Variants in ITFG1 observed in about 807,000 individuals in gnomAD.
ITFG1 encodes integrin alpha FG-GAP repeat containing 1, also known as T-cell immunomodulatory protein.
Under a neutral mutation model 81.8 loss-of-function variants are expected in ITFG1, and 34 were observed. That is an observed-to-expected ratio of 0.42 (90% confidence interval 0.32 to 0.55). ITFG1 has a LOEUF of 0.55. ITFG1 is among the 20% of genes least tolerant of loss of function. The probability of loss-of-function intolerance (pLI) is 0.17; values close to 1 mark genes in which losing one functional copy is unlikely to be tolerated. For synonymous variants in ITFG1, 285 were observed against 270.6 expected (o/e 1.05, Z -0.52); for missense variants, 672 against 755.4 (o/e 0.89, Z 1.29).
At chr16:47,174,077 A>G (rs1964993121) in intron 14 of ITFG1, among the ~76,000 whole-genome samples, 1 of 152,094 alleles carries the variant, frequency 6.6e-6, no homozygotes, top group African/African-American at 2.4e-5. Context: ...ACAAACAAAA[A>G]AAGTTTTCAA....
intron 8 of ITFG1, among the ~76,000 whole-genome samples, chr16:47,358,144 C>T (rs1041253525): frequency 2.6e-5 from 4 of 152,202 alleles, no homozygotes; most frequent in African/African-American, 9.7e-5. Flanking sequence ...GAACACCTCA[C>T]CACTTTGGGT....
At chr16:47,377,281 A>G (rs1968338937) in intron 6 of ITFG1, among the ~76,000 whole-genome samples, 1 of 152,208 alleles carries the variant, frequency 6.6e-6, no homozygotes, top group African/African-American at 2.4e-5. Context: ...TTATTTCCAC[A>G]ACAAGGAAAA....
At position 47,333,271 on chromosome 16, in the gene ITFG1, T is replaced by C. The variant is rs1967659366; in HGVS notation, c.803-19448A>G. On this transcript the variant is annotated intron_variant, in intron 8 of 17. Coordinates refer to ENST00000320640, the MANE Select transcript of ITFG1 (RefSeq NM_030790.5). ...AGATGAGGACATTGATGCTTGGTAA[T>C]ATTAATCACCCAAGGAAAAAGCCAA... 3.3e-5 allele frequency among the ~76,000 whole-genome samples: 5 copies of C among 152,184 alleles called. No homozygotes were observed. The South Asian group carries it at 6.2e-4, about 19-fold the overall frequency.
intron 6 of ITFG1, among the ~76,000 whole-genome samples, chr16:47,423,397 C>G (rs1968977255): frequency 6.6e-6 from 1 of 152,016 alleles, no homozygotes; most frequent in Non-Finnish European, 1.5e-5. Flanking sequence ...ATTTGCCAGT[C>G]TGTGTCTTTA....
chr16:47,440,521 G>C (rs1479490862), intron 5 of ITFG1, among the ~76,000 whole-genome samples: 1 of 152,098 alleles, frequency 6.6e-6, no homozygotes, highest in African/African-American at 2.4e-5. Flanking sequence ...TAGAACTCAG[G>C]ATTAAGAAAC....
chr16:47,163,350 T>C (rs781137066), intron 14 of ITFG1, among the ~76,000 whole-genome samples: 20 of 152,212 alleles, frequency 1.3e-4, no homozygotes, highest in African/African-American at 3.9e-4. Context: ...TCTGACTCAA[T>C]AGATTTGCCT....
At chr16:47,408,928 T>G (rs955941451) in intron 6 of ITFG1, among the ~76,000 whole-genome samples, 37 of 152,152 alleles carry the variant, frequency 2.4e-4, no homozygotes, top group African/African-American at 8.9e-4. Flanking sequence ...TAAAAGACAT[T>G]TTTAAAACAT....
At chr16:47,305,308 TAGTG>T (rs1160873414) in intron 10 of ITFG1, among the ~76,000 whole-genome samples, 2 of 152,152 alleles carry the variant, frequency 1.3e-5, no homozygotes, top group African/African-American at 4.8e-5. Flanking sequence ...TAGTACTTTG[TAGTG>T]AGTAAATTTC....
At chr16:47,452,666 C>T in intron 4 of ITFG1, 67 bp downstream of exon 4, 1 of 1,028,500 alleles carries the variant, frequency 9.7e-7, no homozygotes, top group Non-Finnish European at 1.5e-6. Context: ...AAAGTAGTTT[C>T]CTATGTGAAG....
At chr16:47,258,453 A>G (rs1254998135) in intron 12 of ITFG1, among the ~76,000 whole-genome samples, 179 bp downstream of exon 12, 1 of 152,212 alleles carries the variant, frequency 6.6e-6, no homozygotes, top group Non-Finnish European at 1.5e-5. Context: ...GAAAGAAAAA[A>G]CAATATTGTT....
chr16:47,175,396 A>T (rs1009620506), intron 14 of ITFG1, among the ~76,000 whole-genome samples: 1 of 151,612 alleles, frequency 6.6e-6, no homozygotes, highest in Non-Finnish European at 1.5e-5. Flanking sequence ...TAATTAAATA[A>T]ACAAGAAAAG....
chr16:47,156,966 A>AG (rs1163578630), intron 17 of ITFG1, among the ~76,000 whole-genome samples: 10 of 152,134 alleles, frequency 6.6e-5, no homozygotes, highest in African/African-American at 2.4e-4. Context: ...TGGAATGGAA[A>AG]GGGGAGAGAA....
At chr16:47,394,930 T>C (rs966260635) in intron 6 of ITFG1, among the ~76,000 whole-genome samples, 2 of 152,138 alleles carry the variant, frequency 1.3e-5, no homozygotes, top group Non-Finnish European at 2.9e-5. Flanking sequence ...TATTGGGAGA[T>C]AGACAGGAGT....
intron 5 of ITFG1, among the ~76,000 whole-genome samples, chr16:47,442,993 A>G (rs1969273877): frequency 6.6e-6 from 1 of 152,218 alleles, no homozygotes; most frequent in Non-Finnish European, 1.5e-5. Flanking sequence ...AATTTTTGCA[A>G]CCTACTCATG....
intron 6 of ITFG1, among the ~76,000 whole-genome samples, chr16:47,391,179 G>C (rs987059008): frequency 1.3e-5 from 2 of 152,134 alleles, no homozygotes; most frequent in East Asian, 3.9e-4. Flanking sequence ...TTCAGATCAG[G>C]TTACTCAGGG....
intron 6 of ITFG1, among the ~76,000 whole-genome samples, chr16:47,407,629 G>C (rs1401473293): frequency 2.6e-5 from 4 of 152,184 alleles, no homozygotes; most frequent in Non-Finnish European, 4.4e-5. Context: ...TTACAGAAGT[G>C]AGCCACTGCG....
chr16:47,354,136 T>C (rs1487081588), intron 8 of ITFG1, among the ~76,000 whole-genome samples: 1 of 152,140 alleles, frequency 6.6e-6, no homozygotes, highest in Non-Finnish European at 1.5e-5. Flanking sequence ...GGCACCATAA[T>C]ACCTTACTTT....
chr16:47,419,109 T>C (rs999474823), intron 6 of ITFG1, among the ~76,000 whole-genome samples: 1 of 152,174 alleles, frequency 6.6e-6, no homozygotes, highest in African/African-American at 2.4e-5. Context: ...GTTCACGTTG[T>C]TTTATCTTTT....
chr16:47,262,003 T>C (rs969359140), intron 10 of ITFG1, among the ~76,000 whole-genome samples: 2 of 152,258 alleles, frequency 1.3e-5, no homozygotes, highest in African/African-American at 2.4e-5. Context: ...AATCAGTACA[T>C]AGAGATTTCT....
Sources: gnomAD v4.1 joint callset for allele counts (sites outside exome capture counted in the v4.1 genomes callset) on GRCh38, gnomAD v4.1.1 for gene constraint, MANE v1.5 for transcripts, NCBI Gene and HGNC (gene_info 2026-07-23, HGNC 2026-07-21) for gene names.